KCNH5: variants seen among roughly 807,000 people sequenced by gnomAD.
KCNH5 encodes the protein potassium voltage-gated channel subfamily H member 5, also known as voltage-gated delayed rectifier potassium channel KCNH5.
A neutral mutation model predicts 96.1 loss-of-function variants in KCNH5; 46 were observed. The observed-to-expected ratio is 0.48, with a 90% CI of 0.38 to 0.61. The LOEUF (loss-of-function observed/expected upper bound fraction) is 0.61. Among genes scored for constraint, KCNH5 ranks in the 20% least tolerant of loss-of-function variants. The pLI is 0.00. For missense variants in KCNH5, 907 were observed against 1,225.8 expected, an observed-to-expected ratio of 0.74 and a Z score of 3.88; for synonymous variants, 439 against 449.8, an observed-to-expected ratio of 0.98 and a Z score of 0.30.
chr14:62,965,086 G>C (rs188766245), intron 6 of KCNH5, among the ~76,000 whole-genome samples: 1 of 152,106 alleles, frequency 6.6e-6, no homozygotes, highest in African/African-American at 2.4e-5. Flanking sequence ...TATATAGAGA[G>C]AGAGAGGTGA....
chr14:62,987,055 A>G lies in KCNH5; in HGVS notation c.549+17T>C, dbSNP rs1950975. ...CAACACCACCATCTTGGGAAGCAAAATTCATCTCATACTTACTTCAGCTAG... is the reference window on the plus strand; with the variant it reads ...CAACACCACCATCTTGGGAAGCAAAGTTCATCTCATACTTACTTCAGCTAG... On this transcript the variant is annotated intron_variant, in intron 5 of 10. Transcript: ENST00000322893. The G allele has an allele frequency of 0.24, 377,443 of 1,562,968 alleles. 57,545 individuals carry two copies. Among genetic ancestry groups the G allele is most frequent in the African/African-American group, 0.67 (49,575 of 73,838 alleles).
In KCNH5 at chr14:62,700,883, C is replaced by CT. The variant is rs2139893123; in HGVS notation, c.*6624dup. ...TGCTTTTTGCCAAAGTCCAATTTCT[C>CT]TAACTCAATGGAGAGTCTGACCAAA... On this transcript the variant is annotated 3_prime_UTR_variant, in exon 11 of 11. Transcript: ENST00000322893. 1 of 152,240 alleles carries CT rather than the reference C, an allele frequency of 6.6e-6. No individual in the cohort carries two copies. Among genetic ancestry groups the CT allele is most frequent in the Admixed American group, 6.5e-5 (1 of 15,288 alleles). 9.4% of individuals were successfully genotyped at this position (152,240 alleles called of 1,614,324 possible).
At chr14:62,803,079 A>AGACAGAGAT (rs1264961211) in intron 8 of KCNH5, among the ~76,000 whole-genome samples, 5 of 152,200 alleles carry the variant, frequency 3.3e-5, no homozygotes, top group African/African-American at 1.2e-4. Flanking sequence ...TTATCCCAGG[A>AGACAGAGAT]GACAGAGATT....
intron 7 of KCNH5, among the ~76,000 whole-genome samples, chr14:62,886,921 G>A (rs1180819874): frequency 1.3e-5 from 2 of 152,070 alleles, no homozygotes; most frequent in Non-Finnish European, 2.9e-5. Context: ...GGTAGTGAAC[G>A]TGATGACAAG....
rs182332812 is a variant in KCNH5, at chr14:62,881,568, A to G, written c.1370-31716T>C. On this transcript the variant is annotated intron_variant, in intron 7 of 10. Coordinates refer to ENST00000322893, the MANE Select transcript of KCNH5 (RefSeq NM_139318.5). ...GGGTGATGAAATAATCTATACAGCA[A>G]ACCCCCAGGACACGAGTTTACCTAT... 8.6e-4 allele frequency among the ~76,000 whole-genome samples: 131 copies of G among 152,188 alleles called. 2 individuals are homozygous for G. Among genetic ancestry groups the G allele is most frequent in the Admixed American group, 6.5e-3 (100 of 15,274 alleles).
At chr14:62,971,326 G>T (rs138496859) in intron 6 of KCNH5, among the ~76,000 whole-genome samples, 1 of 152,074 alleles carries the variant, frequency 6.6e-6, no homozygotes, top group African/African-American at 2.4e-5. Flanking sequence ...GATCTATGAG[G>T]AAAACTACAA....
At chr14:62,884,332 A>C (rs561081740) in intron 7 of KCNH5, among the ~76,000 whole-genome samples, 3 of 152,324 alleles carry the variant, frequency 2.0e-5, no homozygotes, top group African/African-American at 7.2e-5. Flanking sequence ...ATTTTTAAAA[A>C]TGGAAATAAT....
intron 1 of KCNH5, among the ~76,000 whole-genome samples, chr14:63,017,501 A>G (rs1373561329): frequency 6.6e-6 from 1 of 151,836 alleles, no homozygotes; most frequent in African/African-American, 2.4e-5. Context: ...TTATTCAAAG[A>G]TATTTTCAAC....
intron 10 of KCNH5, among the ~76,000 whole-genome samples, chr14:62,771,792 T>C (rs1170525394): frequency 1.3e-5 from 2 of 152,122 alleles, no homozygotes; most frequent in African/African-American, 4.8e-5. Flanking sequence ...GTAAAGGTAT[T>C]AGAACTCTAG....
intron 8 of KCNH5, among the ~76,000 whole-genome samples, chr14:62,833,521 T>G (rs1176643033): frequency 6.6e-6 from 1 of 152,064 alleles, no homozygotes; most frequent in Non-Finnish European, 1.5e-5. Context: ...CCATACTGTT[T>G]TAATTATTCT....
chr14:62,717,617 C>T, intron 10 of KCNH5, among the ~76,000 whole-genome samples: 1 of 152,138 alleles, frequency 6.6e-6, no homozygotes, highest in East Asian at 1.9e-4. Context: ...GGATATCTGC[C>T]TAACACTATA....
At chr14:62,978,563 A>G (rs10151007) in intron 6 of KCNH5, among the ~76,000 whole-genome samples, 48,713 of 149,068 alleles carry the variant, frequency 0.33, 8,271 homozygotes, top group Non-Finnish European at 0.36. Context: ...CTCCTGCTTG[A>G]GCGACAGAGT....
chr14:63,040,352 C>T (rs1401010662), intron 1 of KCNH5, among the ~76,000 whole-genome samples: 1 of 152,106 alleles, frequency 6.6e-6, no homozygotes, highest in African/African-American at 2.4e-5. Flanking sequence ...ATCCCTCTAT[C>T]AGCAATGTGC....
intron 7 of KCNH5, 163 bp downstream of exon 7, chr14:62,949,970 T>C (rs1025818653): frequency 4.5e-5 from 28 of 619,472 alleles, no homozygotes; most frequent in Non-Finnish European, 6.7e-5. Context: ...AATATATTAT[T>C]TTGCATTTCT....
At chr14:62,978,764 C>T (rs1376233162) in intron 6 of KCNH5, among the ~76,000 whole-genome samples, 1 of 151,908 alleles carries the variant, frequency 6.6e-6, no homozygotes, top group East Asian at 1.9e-4. Context: ...TAATACTAAT[C>T]AAGCCAATCT....
At chr14:62,818,643 A>G (rs1286243993) in intron 8 of KCNH5, among the ~76,000 whole-genome samples, 1 of 152,146 alleles carries the variant, frequency 6.6e-6, no homozygotes, top group Non-Finnish European at 1.5e-5. Context: ...CCAACACTAT[A>G]ACCCATCAAA....
chr14:62,962,510 C>T (rs1890232436), intron 6 of KCNH5, among the ~76,000 whole-genome samples: 1 of 152,088 alleles, frequency 6.6e-6, no homozygotes, highest in Non-Finnish European at 1.5e-5. Context: ...GAAAATAATT[C>T]ACACAGCAAG....
chr14:62,998,101 A>G (rs1481826885), intron 4 of KCNH5, among the ~76,000 whole-genome samples: 2 of 152,044 alleles, frequency 1.3e-5, no homozygotes, highest in Non-Finnish European at 2.9e-5. Context: ...CAATGAAACC[A>G]TCTGCATCTG....
In KCNH5 at chr14:62,981,011, G is replaced by T; in HGVS notation, c.803C>A (p.Thr268Lys). The T allele has an allele frequency of 6.2e-7, 1 of 1,614,122 alleles. No homozygotes were observed. The highest frequency in any genetic ancestry group is 1.1e-5 in the South Asian group (1 of 91,074). The change falls in exon 6 of 11, where the codon ACG becomes AAG. Residue 268 changes from threonine to lysine, a missense_variant. Around this residue, in one of 6 missense-constraint regions of KCNH5, gnomAD observed 370 missense variants for 561.3 expected, o/e 0.66. Transcript: ENST00000322893. ...FLVDIVLNFH[T>K]TFVGPGGEVI... ...CTCTCCACCGGGCCCCACGAAAGTC[G>T]TGTGAAAATTTAAAACGATGTCAAC... is the stretch of plus-strand genomic sequence containing the variant.
Sources: gnomAD v4.1 joint callset for allele counts (sites outside exome capture counted in the v4.1 genomes callset) on GRCh38, gnomAD v4.1.1 for gene constraint, gnomAD v4.1.1 regional missense constraint, MANE v1.5 for transcripts, NCBI Gene and HGNC (gene_info 2026-07-23, HGNC 2026-07-21) for gene names.